AVEN: variants seen among roughly 807,000 people sequenced by gnomAD.
AVEN encodes apoptosis and caspase activation inhibitor, also known as cell death regulator Aven.
A neutral mutation model predicts 38.1 loss-of-function variants in AVEN; 41 were observed. The ratio of observed to expected loss-of-function variants is 1.08; its 90% CI spans 0.84 to 1.40. The LOEUF (loss-of-function observed/expected upper bound fraction) is 1.40, where lower values mean the gene tolerates loss of function less well. AVEN is among the 40% of genes most tolerant of loss of function. The pLI is 0.00. For synonymous variants in AVEN, 206 were observed against 171.8 expected, an observed-to-expected ratio of 1.20 and a Z score of -1.56; for missense variants, 605 against 438.8, an observed-to-expected ratio of 1.38 and a Z score of -3.38.
At chr15:33,944,502 A>G (rs1894434243) in intron 2 of AVEN, among the ~76,000 whole-genome samples, 1 of 152,280 alleles carries the variant, frequency 6.6e-6, no homozygotes, top group South Asian at 2.1e-4. Context: ...ATGGAAATCA[A>G]CATAAATTTT....
chr15:33,865,067 A>C, downstream of AVEN: 1 of 1,338,438 alleles, frequency 7.5e-7, no homozygotes, highest in Non-Finnish European at 1.1e-6. Flanking sequence ...AAGAACAAAA[A>C]CAAACTGGGT....
intron 2 of AVEN, among the ~76,000 whole-genome samples, chr15:33,917,739 A>G (rs1360396746): frequency 2.0e-5 from 3 of 152,178 alleles, no homozygotes; most frequent in African/African-American, 7.2e-5. Flanking sequence ...TCAGGAATGG[A>G]AAACTAAACG....
At position 33,908,379 on chromosome 15, in the gene AVEN, G is replaced by C. The variant is rs150153498; in HGVS notation, c.446-32384C>G. On this transcript the variant is annotated intron_variant, in intron 2 of 5. Transcript: ENST00000306730. Reference sequence around the variant, plus strand: ...TTACTACAAGCATTATTGTTACCTGGAATAAAAGATTCCTGCTTTTTTGTT... The same window carrying C: ...TTACTACAAGCATTATTGTTACCTGCAATAAAAGATTCCTGCTTTTTTGTT... Among the ~76,000 whole-genome samples the C allele has an allele frequency of 5.2e-3, 520 of 99,826 alleles. 116 individuals are homozygous for C. Among genetic ancestry groups the C allele is most frequent in the African/African-American group, 0.014 (501 of 34,836 alleles). 65.5% of individuals were successfully genotyped at this position (99,826 alleles called of 152,430 possible).
At chr15:34,047,386 C>T (rs1899746169) in intron 5 of AVEN, among the ~76,000 whole-genome samples, 1 of 152,070 alleles carries the variant, frequency 6.6e-6, no homozygotes. Context: ...GGAGACCTAG[C>T]AGTTTTACAT....
chr15:34,014,809 G>C (rs1454593050), intron 1 of AVEN, among the ~76,000 whole-genome samples: 1 of 152,136 alleles, frequency 6.6e-6, no homozygotes, highest in Non-Finnish European at 1.5e-5. Context: ...GTGGCCCCTT[G>C]ACCTCTCAAA....
the AVEN span, chr15:33,852,229 A>C: frequency 1.3e-5 from 2 of 152,210 alleles, no homozygotes; most frequent in African/African-American, 4.8e-5. Flanking sequence ...CTAGGCTGCA[A>C]TCCAGTCTTA....
chr15:34,002,141 T>G (rs568265862), intron 2 of AVEN, among the ~76,000 whole-genome samples: 1 of 152,202 alleles, frequency 6.6e-6, no homozygotes, highest in African/African-American at 2.4e-5. Flanking sequence ...CTGAAACTGA[T>G]ACAATCTGCC....
intron 1 of AVEN, among the ~76,000 whole-genome samples, chr15:34,030,368 C>T (rs907820823): frequency 2.0e-5 from 3 of 152,018 alleles, no homozygotes; most frequent in African/African-American, 7.2e-5. Flanking sequence ...TTGTTTGAGA[C>T]GGAGTCTTGC....
intron 2 of AVEN, among the ~76,000 whole-genome samples, chr15:33,879,083 C>T (rs1293028200): frequency 1.3e-5 from 2 of 151,838 alleles, no homozygotes; most frequent in Non-Finnish European, 2.9e-5. Context: ...AATCATGCTG[C>T]TATAAAGACA....
In AVEN at chr15:33,957,210, T is replaced by C. The variant is rs142050808; in HGVS notation, c.445+45822A>G. Among the ~76,000 whole-genome samples the C allele has an allele frequency of 3.6e-3, 546 of 152,336 alleles. 5 individuals are homozygous for C. The highest frequency in any genetic ancestry group is 0.012 in the African/African-American group (510 of 41,568). On this transcript the variant is annotated intron_variant, in intron 2 of 5. Transcript: ENST00000306730. ...GAACTACATTTTTTAAATCTAAACA[T>C]AGATTTCAATTCTCTTAGGATTTGG... is the stretch of plus-strand genomic sequence containing the variant.
rs1410507613 is a variant in AVEN at position 33,908,427 on chromosome 15, T to A, written c.446-32432A>T. ...GTTCACATCTTGAGCTGGTTATGAGTATTAACCCATGTCACTGTTGGTACA... is the reference window on the plus strand; with the variant it reads ...GTTCACATCTTGAGCTGGTTATGAGAATTAACCCATGTCACTGTTGGTACA... On this transcript the variant is annotated intron_variant, in intron 2 of 5. Coordinates refer to ENST00000306730, the MANE Select transcript of AVEN (RefSeq NM_020371.3). Among the ~76,000 whole-genome samples the A allele has an allele frequency of 4.6e-5, 2 of 43,686 alleles. 1 individual carries two copies. Among genetic ancestry groups the A allele is most frequent in the Non-Finnish European group, 1.5e-4 (2 of 13,678 alleles). 28.7% of individuals were successfully genotyped at this position (43,686 alleles called of 152,430 possible). A position where few individuals can be genotyped will look rare whatever the true frequency, so the allele number is the denominator to read the frequency against.
chr15:33,932,581 C>T (rs1266988274), intron 2 of AVEN, among the ~76,000 whole-genome samples: 1 of 152,162 alleles, frequency 6.6e-6, no homozygotes, highest in Non-Finnish European at 1.5e-5. Context: ...AATCCCAGCA[C>T]TTTGGAAGGC....
At chr15:34,004,661 A>G (rs1216362717) in intron 1 of AVEN, among the ~76,000 whole-genome samples, 1 of 152,190 alleles carries the variant, frequency 6.6e-6, no homozygotes, top group East Asian at 1.9e-4. Context: ...AAGATAGGAC[A>G]TGTGAGGTTT....
intron 1 of AVEN, among the ~76,000 whole-genome samples, chr15:34,010,036 A>G (rs182996405): frequency 2.0e-5 from 3 of 152,274 alleles, no homozygotes; most frequent in African/African-American, 7.2e-5. Flanking sequence ...TTCACAATAT[A>G]TGAAGCAAAA....
intron 2 of AVEN, among the ~76,000 whole-genome samples, chr15:33,956,125 T>C (rs1334137110): frequency 6.6e-6 from 1 of 152,206 alleles, no homozygotes; most frequent in Non-Finnish European, 1.5e-5. Context: ...CCAGCATTTG[T>C]AGTTATTGCG....
chr15:33,854,515 C>A (rs947204784), downstream of AVEN: 2 of 1,343,476 alleles, frequency 1.5e-6, no homozygotes, highest in Non-Finnish European at 2.1e-6. Flanking sequence ...GAGAAGCAAG[C>A]TATGCAGGAT....
At chr15:34,045,713 G>A (rs1245486485) in intron 5 of AVEN, among the ~76,000 whole-genome samples, 1 of 136,556 alleles carries the variant, frequency 7.3e-6, no homozygotes, top group Non-Finnish European at 1.6e-5. Flanking sequence ...AAAAAAAAAA[G>A]GTGTTTCAGA....
chr15:33,892,292 G>T (rs1428990359), intron 2 of AVEN, among the ~76,000 whole-genome samples: 4 of 152,164 alleles, frequency 2.6e-5, no homozygotes, highest in Admixed American at 2.6e-4. Context: ...TAGCCATGAA[G>T]TCCTTGCCCA....
intron 2 of AVEN, among the ~76,000 whole-genome samples, chr15:33,880,750 A>ATTCT (rs1891452322): frequency 6.6e-6 from 1 of 152,224 alleles, no homozygotes; most frequent in Admixed American, 6.5e-5. Flanking sequence ...CAAAGAGAAA[A>ATTCT]GAAAAAAGAA....
Sources: gnomAD v4.1 joint callset for allele counts (sites outside exome capture counted in the v4.1 genomes callset) on GRCh38, gnomAD v4.1.1 for gene constraint, MANE v1.5 for transcripts, NCBI Gene and HGNC (gene_info 2026-07-23, HGNC 2026-07-21) for gene names.